The following L3MBTL4 variants were observed in gnomAD, a reference collection of about 807,000 sequenced individuals.
L3MBTL4 encodes the protein L3MBTL histone methyl-lysine binding protein 4.
In L3MBTL4, 70 loss-of-function variants were observed where a neutral mutation model predicts 84.5. The ratio of observed to expected loss-of-function variants is 0.83; its 90% CI spans 0.68 to 1.01. The LOEUF is 1.01. Ranked by LOEUF, L3MBTL4 falls within the 50% of genes least tolerant of loss-of-function variation. The pLI, the probability that L3MBTL4 is intolerant of heterozygous loss-of-function variation, is 0.00. For synonymous variants in L3MBTL4, 274 were observed against 259.8 expected, an observed-to-expected ratio of 1.05 and a Z score of -0.52; for missense variants, 715 against 754.8, an observed-to-expected ratio of 0.95 and a Z score of 0.62.
intron 16 of L3MBTL4, among the ~76,000 whole-genome samples, chr18:6,050,086 T>C (rs1417531671): frequency 6.6e-6 from 1 of 152,160 alleles, no homozygotes; most frequent in Non-Finnish European, 1.5e-5. Context: ...AGTAAGAAAT[T>C]ACCCACAATA....
intron 16 of L3MBTL4, among the ~76,000 whole-genome samples, chr18:5,973,970 CCAGAAA>C (rs2052774369): frequency 6.6e-6 from 1 of 152,182 alleles, no homozygotes; most frequent in African/African-American, 2.4e-5. Flanking sequence ...GTTCTCTGCA[CCAGAAA>C]ATGAAATGTA....
rs72860704 is a variant in L3MBTL4 at position 5,999,170 on chromosome 18, C to T, written c.1445-29608G>A. Among the ~76,000 whole-genome samples the T allele has an allele frequency of 4.3e-3, 657 of 152,306 alleles. 4 individuals carry two copies. The highest frequency in any genetic ancestry group is 7.4e-3 in the Non-Finnish European group (503 of 68,020). ...AGATAGCCACAGAGCCTTGAGGATG[C>T]TGTCCTAGTTCTCTGCTTTTGATTA... On this transcript the variant is annotated intron_variant, in intron 16 of 18. Transcript: ENST00000317931.
chr18:6,167,249 C>T (rs574916078), intron 13 of L3MBTL4, among the ~76,000 whole-genome samples: 1 of 152,156 alleles, frequency 6.6e-6, no homozygotes, highest in Admixed American at 6.5e-5. Flanking sequence ...ACCAGAGGTA[C>T]AAGGAGGAGC....
rs1289913237 is a variant in L3MBTL4 at position 6,105,108 on chromosome 18, T to C, written c.1200-11580A>G. On this transcript the variant is annotated intron_variant, in intron 14 of 18. Transcript: ENST00000317931. ...CAAGAGAATATGATCAATATTACTTTTTCTGCCATACACTATTCTAAATTA... is the reference window on the plus strand; with the variant it reads ...CAAGAGAATATGATCAATATTACTTCTTCTGCCATACACTATTCTAAATTA... Among the ~76,000 whole-genome samples the C allele has an allele frequency of 3.3e-5, 5 of 152,158 alleles. No individual in the cohort carries two copies. The South Asian group carries it at 8.3e-4, about 25-fold the overall frequency.
chr18:6,325,488 T>C (rs1220848856), intron 1 of L3MBTL4, among the ~76,000 whole-genome samples: 1 of 152,128 alleles, frequency 6.6e-6, no homozygotes, highest in African/African-American at 2.4e-5. Context: ...CCCAGCTTTA[T>C]ACTACCATTT....
chr18:6,388,889 G>A (rs2054931903), intron 1 of L3MBTL4, among the ~76,000 whole-genome samples: 1 of 152,084 alleles, frequency 6.6e-6, no homozygotes, highest in South Asian at 2.1e-4. Context: ...ACTTAACAGG[G>A]AAGGGCATGG....
chr18:6,231,996 C>T (rs1599256430), intron 10 of L3MBTL4, among the ~76,000 whole-genome samples: 1 of 152,106 alleles, frequency 6.6e-6, no homozygotes, highest in African/African-American at 2.4e-5. Context: ...CAGACATTCA[C>T]CATTGAGTAT....
chr18:6,081,014 T>G (rs893842051), intron 15 of L3MBTL4, 63 bp from the exon 16 acceptor site: 2 of 1,235,198 alleles, frequency 1.6e-6, no homozygotes, highest in Non-Finnish European at 2.3e-6. Context: ...GAAATCATGA[T>G]AGCAGCACAA....
intron 16 of L3MBTL4, among the ~76,000 whole-genome samples, chr18:5,990,742 C>T (rs928223642): frequency 6.6e-6 from 1 of 150,482 alleles, no homozygotes; most frequent in Non-Finnish European, 1.5e-5. Flanking sequence ...TGAAGGAATT[C>T]CTTTCAAACT....
At chr18:6,033,411 C>A (rs560094090) in intron 16 of L3MBTL4, among the ~76,000 whole-genome samples, 1 of 152,214 alleles carries the variant, frequency 6.6e-6, no homozygotes, top group South Asian at 2.1e-4. Flanking sequence ...TCTCGTTTTT[C>A]TTTTAAACCT....
At chr18:6,370,149 A>G (rs1035498453) in intron 1 of L3MBTL4, among the ~76,000 whole-genome samples, 5 of 151,428 alleles carry the variant, frequency 3.3e-5, no homozygotes, top group Non-Finnish European at 7.4e-5. Context: ...AAAAAAAAAA[A>G]AAAAAGAAAG....
At position 6,238,020 on chromosome 18, in the gene L3MBTL4, T is replaced by C; in HGVS notation, c.728A>G (p.Tyr243Cys). The C allele has an allele frequency of 6.2e-7, 1 of 1,614,096 alleles. No individual in the cohort carries two copies. Among genetic ancestry groups the C allele is most frequent in the Non-Finnish European group, 8.5e-7 (1 of 1,179,966 alleles). The change falls in exon 10 of 19, where the codon TAT becomes TGT. Residue 243 changes from tyrosine (Y) to cysteine (C), a missense_variant. Transcript: ENST00000317931. ...YDYWCDVNSP[Y>C]VQPVGWCQEN... ...CTGACACCAACCAACTGGCTGGACA[T>C]AAGGGCTATTAACATCGCACCTGCA...
At chr18:6,011,286 C>A (rs757260541) in intron 16 of L3MBTL4, among the ~76,000 whole-genome samples, 3 of 152,004 alleles carry the variant, frequency 2.0e-5, no homozygotes, top group Admixed American at 6.6e-5. Context: ...AGTCTGTCAG[C>A]CATGATAGCA....
intron 1 of L3MBTL4, among the ~76,000 whole-genome samples, chr18:6,332,509 T>C (rs559168859): frequency 1.8e-4 from 28 of 152,194 alleles, no homozygotes; most frequent in Non-Finnish European, 3.8e-4. Flanking sequence ...GCCACAGTCA[T>C]TGGTTCAGGG....
At chr18:6,211,975 A>T (rs1244130439) in intron 12 of L3MBTL4, among the ~76,000 whole-genome samples, 1 of 152,222 alleles carries the variant, frequency 6.6e-6, no homozygotes, top group Non-Finnish European at 1.5e-5. Flanking sequence ...GTTAATAATA[A>T]AATGTCACTG....
At chr18:6,384,766 C>G (rs1025482060) in intron 1 of L3MBTL4, among the ~76,000 whole-genome samples, 1 of 152,186 alleles carries the variant, frequency 6.6e-6, no homozygotes, top group Non-Finnish European at 1.5e-5. Context: ...GGCTTGCTGT[C>G]TGTCACGGAT....
At chr18:6,300,981 G>T (rs2050314147) in intron 4 of L3MBTL4, among the ~76,000 whole-genome samples, 1 of 152,008 alleles carries the variant, frequency 6.6e-6, no homozygotes, top group Admixed American at 6.5e-5. Context: ...GAGAAGAAAA[G>T]AAATTTAAAG....
chr18:6,313,474 T>C (rs1019319603), intron 1 of L3MBTL4, among the ~76,000 whole-genome samples: 1 of 152,370 alleles, frequency 6.6e-6, no homozygotes, highest in South Asian at 2.1e-4. Context: ...TTTATGTCCT[T>C]AAGACAGGCA....
Position 6,138,206 on chromosome 18 carries a change from G to T in L3MBTL4, c.1187C>A (p.Ser396Ter). 1 of 1,609,456 alleles carries T rather than the reference G, an allele frequency of 6.2e-7. No individual in the cohort carries two copies. The highest frequency in any genetic ancestry group is 8.5e-7 in the Non-Finnish European group (1 of 1,176,584). The change falls in exon 14 of 19, where the codon TCG (serine) becomes TAG (stop). Residue 396 changes from serine to a stop codon, truncating the protein, a stop_gained. Transcript: ENST00000317931. LOFTEE classifies it high-confidence loss of function. ...AGAAAAATGTTACCTGTGATGTCCCGAATAACGTGGACCACGGATATGGCC... is the reference window on the plus strand; with the variant it reads ...AGAAAAATGTTACCTGTGATGTCCCTAATAACGTGGACCACGGATATGGCC... ...GIGHIRGPRY[S>*]GHHSAFGCPY...
Sources: gnomAD v4.1 joint callset for allele counts (sites outside exome capture counted in the v4.1 genomes callset) on GRCh38, gnomAD v4.1.1 for gene constraint, MANE v1.5 for transcripts, NCBI Gene and HGNC (gene_info 2026-07-23, HGNC 2026-07-21) for gene names.